The following SLC44A5 variants were observed in gnomAD, a reference collection of about 807,000 sequenced individuals.
SLC44A5 encodes choline transporter-like protein 5.
A neutral mutation model predicts 101.8 loss-of-function variants in SLC44A5; 57 were observed. That is an observed-to-expected ratio of 0.56 (90% CI 0.45 to 0.70). The LOEUF is 0.70. Ranked by LOEUF, SLC44A5 falls within the 30% of genes least tolerant of loss-of-function variation. SLC44A5 has a pLI of 0.00. For missense variants in SLC44A5, 737 were observed against 853.1 expected (o/e 0.86, Z 1.70); for synonymous variants, 281 against 290.9 (o/e 0.97, Z 0.35).
intron 2 of SLC44A5, among the ~76,000 whole-genome samples, chr1:75,432,368 T>C (rs1412487379): frequency 6.6e-6 from 1 of 152,202 alleles, no homozygotes; most frequent in Non-Finnish European, 1.5e-5. Flanking sequence ...CAGTCATCTT[T>C]ACATCACAAA....
At chr1:75,564,008 A>C (rs1672654550) in intron 1 of SLC44A5, among the ~76,000 whole-genome samples, 1 of 152,216 alleles carries the variant, frequency 6.6e-6, no homozygotes, top group Non-Finnish European at 1.5e-5. Context: ...AAAAGAAAAA[A>C]GAAAACTGGT....
chr1:75,643,725 G>C, the SLC44A5 span, among the ~76,000 whole-genome samples: 1 of 152,212 alleles, frequency 6.6e-6, no homozygotes, highest in Non-Finnish European at 1.5e-5. Context: ...CCTGGCCTGC[G>C]GCCAAGTAAG....
chr1:75,279,927 G>C (rs905350219), intron 5 of SLC44A5, among the ~76,000 whole-genome samples: 1 of 151,200 alleles, frequency 6.6e-6, no homozygotes, highest in Non-Finnish European at 1.5e-5. Flanking sequence ...TAGAGTCTTC[G>C]AAGTACATTG....
intron 3 of SLC44A5, among the ~76,000 whole-genome samples, chr1:75,359,173 T>A (rs1056680473): frequency 3.4e-5 from 5 of 149,094 alleles, no homozygotes; most frequent in Admixed American, 6.9e-5. Flanking sequence ...AATTTTCTTT[T>A]CTTTTTTTTT....
intron 2 of SLC44A5, among the ~76,000 whole-genome samples, chr1:75,512,110 C>A (rs559387780): frequency 6.6e-6 from 1 of 151,972 alleles, no homozygotes; most frequent in Non-Finnish European, 1.5e-5. Context: ...GCACAGCCCA[C>A]GTAAAAAATA....
At chr1:75,564,206 T>G (rs1672663947) in intron 1 of SLC44A5, among the ~76,000 whole-genome samples, 1 of 152,230 alleles carries the variant, frequency 6.6e-6, no homozygotes, top group Non-Finnish European at 1.5e-5. Context: ...TGTAATCTAC[T>G]GTGCTAAACC....
the SLC44A5 span, among the ~76,000 whole-genome samples, chr1:75,696,655 G>C: frequency 2.0e-5 from 3 of 152,170 alleles, no homozygotes; most frequent in Non-Finnish European, 2.9e-5. Context: ...CAGCACTTTG[G>C]GAGGCCGAGG....
At chr1:75,222,250 CCAG>C in intron 14 of SLC44A5, 108 bp downstream of exon 14, 1 of 809,690 alleles carries the variant, frequency 1.2e-6, no homozygotes, top group Non-Finnish European at 2.0e-6. Context: ...ACCACCGCGC[CCAG>C]CAAAAAGTGT....
intron 2 of SLC44A5, among the ~76,000 whole-genome samples, chr1:75,537,034 A>AAAAAAAAAATATATATATG (rs1553199990): frequency 1.6e-4 from 3 of 18,650 alleles, no homozygotes; most frequent in African/African-American, 3.1e-4. Context: ...AAAAAAAAAA[A>AAAAAAAAAATATATATATG]TATATATCTA....
At chr1:75,233,858 A>T in intron 12 of SLC44A5, 128 bp downstream of exon 12, 1 of 699,686 alleles carries the variant, frequency 1.4e-6, no homozygotes, top group Non-Finnish European at 2.4e-6. Context: ...TTCTAAGTTT[A>T]AAGCTTTTTT....
the SLC44A5 span, among the ~76,000 whole-genome samples, chr1:75,700,684 C>CA: frequency 6.6e-6 from 1 of 152,022 alleles, no homozygotes; most frequent in Admixed American, 6.6e-5. Context: ...AATAGAGACA[C>CA]AAAAAACCCT....
intron 2 of SLC44A5, among the ~76,000 whole-genome samples, chr1:75,449,844 T>C (rs1333504416): frequency 6.6e-6 from 1 of 151,906 alleles, no homozygotes; most frequent in Admixed American, 6.6e-5. Context: ...CTACTAAAAA[T>C]ACAAAAATTA....
intron 1 of SLC44A5, among the ~76,000 whole-genome samples, chr1:75,554,617 G>C (rs1672120258): frequency 6.6e-6 from 1 of 152,042 alleles, no homozygotes; most frequent in African/African-American, 2.4e-5. Flanking sequence ...CTGTATTCCT[G>C]GAGTTGAAGA....
intron 2 of SLC44A5, among the ~76,000 whole-genome samples, chr1:75,485,071 C>T (rs1280081725): frequency 6.6e-6 from 1 of 152,344 alleles, no homozygotes; most frequent in Non-Finnish European, 1.5e-5. Context: ...GACATTTTCC[C>T]CATTGTCTTG....
At chr1:75,655,826 T>C in the SLC44A5 span, among the ~76,000 whole-genome samples, 6 of 151,910 alleles carry the variant, frequency 3.9e-5, no homozygotes, top group African/African-American at 1.2e-4. Context: ...TAGAAAAAAA[T>C]ATATTAGAAA....
intron 2 of SLC44A5, among the ~76,000 whole-genome samples, chr1:75,477,147 C>T (rs1449876179): frequency 6.6e-6 from 1 of 152,232 alleles, no homozygotes; most frequent in African/African-American, 2.4e-5. Flanking sequence ...CAAACAGGGT[C>T]TGGAGTGGAC....
At chr1:75,443,609 A>C (rs1274172280) in intron 2 of SLC44A5, among the ~76,000 whole-genome samples, 2 of 151,980 alleles carry the variant, frequency 1.3e-5, no homozygotes, top group Non-Finnish European at 2.9e-5. Context: ...TTAAAGACCT[A>C]TATTATTTTA....
At chr1:75,460,171 T>G (rs1243965138) in intron 2 of SLC44A5, among the ~76,000 whole-genome samples, 3 of 152,206 alleles carry the variant, frequency 2.0e-5, no homozygotes, top group Non-Finnish European at 4.4e-5. Flanking sequence ...CTGTAGGAGC[T>G]CTTGAACTCT....
intron 2 of SLC44A5, among the ~76,000 whole-genome samples, chr1:75,481,600 G>A (rs184905045): frequency 0.013 from 1,957 of 152,064 alleles, 33 homozygotes; most frequent in Middle Eastern, 0.054. Context: ...CGAAGGACAT[G>A]AACAGACACT....
Sources: allele counts gnomAD v4.1 joint callset (sites outside exome capture counted in the v4.1 genomes callset), GRCh38; gene constraint gnomAD v4.1.1; transcripts MANE v1.5; gene names NCBI Gene and HGNC (gene_info 2026-07-23, HGNC 2026-07-21).